The following ANK1 variants were observed in gnomAD, a reference collection of about 807,000 sequenced individuals.
ANK1 encodes ankyrin-1.
ANK1 carries 51 observed loss-of-function variants against 210.4 expected under a neutral mutation model. The ratio of observed to expected loss-of-function variants is 0.24; its 90% CI spans 0.19 to 0.31. ANK1 has a LOEUF of 0.31. Among genes scored for constraint, ANK1 ranks in the 10% least tolerant of loss-of-function variants. ANK1 has a pLI of 1.00. For synonymous variants in ANK1, 967 were observed against 1,025.9 expected (o/e 0.94, Z 1.10); for missense variants, 2,051 against 2,504.4 (o/e 0.82, Z 3.86).
chr8:41,806,908 A>G (rs1474816895), intron 1 of ANK1, among the ~76,000 whole-genome samples: 2 of 152,222 alleles, frequency 1.3e-5, no homozygotes, highest in East Asian at 1.9e-4. Flanking sequence ...TACCATCCAC[A>G]GATGTGAGAA....
chr8:41,856,102 G>T (rs1314834677), intron 1 of ANK1, among the ~76,000 whole-genome samples: 1 of 152,124 alleles, frequency 6.6e-6, no homozygotes, highest in Admixed American at 6.5e-5. Context: ...TAAAGTGGAA[G>T]CCCCCAACCT....
At chr8:41,773,933 G>A (rs1223120980) in intron 1 of ANK1, among the ~76,000 whole-genome samples, 3 of 152,186 alleles carry the variant, frequency 2.0e-5, no homozygotes, top group Non-Finnish European at 4.4e-5. Flanking sequence ...GCATCCAAAC[G>A]CCACTGTTTC....
In ANK1 at chr8:41,723,560, C is replaced by T. The variant is rs754821377; in HGVS notation, c.785G>A (p.Gly262Glu). The change falls in exon 8 of 43, where the codon GGA becomes GAA. Residue 262 changes from glycine to glutamate, a missense_variant. Transcript: ENST00000289734. ...VIMVRLLLDR[G>E]AQIETKTKDE... ...CTTGGTCTTGGTTTCTATCTGGGCTCCCCGATCCAGCAGCAGCCGCACCAT... is the reference window on the plus strand; with the variant it reads ...CTTGGTCTTGGTTTCTATCTGGGCTTCCCGATCCAGCAGCAGCCGCACCAT... The T allele has an allele frequency of 4.3e-6, 7 of 1,614,048 alleles. No homozygotes were observed. The highest frequency in any genetic ancestry group is 5.1e-6 in the Non-Finnish European group (6 of 1,179,994).
intron 2 of ANK1, among the ~76,000 whole-genome samples, chr8:41,744,071 T>C (rs1468098932): frequency 6.6e-6 from 1 of 152,168 alleles, no homozygotes; most frequent in Non-Finnish European, 1.5e-5. Context: ...GATGAGGACA[T>C]GTCAAAGGAT....
chr8:41,703,999 T>G, intron 20 of ANK1, 42 bp downstream of exon 20: 1 of 1,557,954 alleles, frequency 6.4e-7, no homozygotes, highest in Non-Finnish European at 8.9e-7. Flanking sequence ...GCTGCTGCCA[T>G]GGGGAGCAGT....
intron 1 of ANK1, among the ~76,000 whole-genome samples, chr8:41,847,902 C>G (rs1033441277): frequency 1.3e-5 from 2 of 152,166 alleles, no homozygotes; most frequent in African/African-American, 4.8e-5. Context: ...GGCGCAGTGG[C>G]TCACACCTAT....
At chr8:41,852,844 G>T (rs938133924) in intron 1 of ANK1, among the ~76,000 whole-genome samples, 1 of 152,138 alleles carries the variant, frequency 6.6e-6, no homozygotes, top group African/African-American at 2.4e-5. Flanking sequence ...TTTGCCCAAG[G>T]CCTGGAAGTC....
At chr8:41,794,516 T>A (rs1211107374) in intron 1 of ANK1, among the ~76,000 whole-genome samples, 1 of 152,186 alleles carries the variant, frequency 6.6e-6, no homozygotes, top group Non-Finnish European at 1.5e-5. Context: ...CAGGACTGAC[T>A]TTTCACCTTT....
At position 41,704,638 on chromosome 8, in the gene ANK1, T is replaced by C. The variant is rs932747505; in HGVS notation, c.2098-166A>G. Among the ~76,000 whole-genome samples the C allele has an allele frequency of 1.3e-5, 2 of 152,130 alleles. No individual in the cohort carries two copies. The highest frequency in any genetic ancestry group is 2.4e-5 in the African/African-American group (1 of 41,424). ...CTGGGCAGAGACCACCAGGCTGAGA[T>C]GCTTGTGGGAGACCCAAGGGGAGAC... On this transcript the variant is annotated intron_variant, in intron 18 of 42. Transcript: ENST00000289734. The surrounding 1 kb of genome is among the most constrained non-coding windows in gnomAD (Gnocchi z 4.1).
chr8:41,686,722 C>G (rs1170125875), intron 35 of ANK1, among the ~76,000 whole-genome samples: 5 of 152,260 alleles, frequency 3.3e-5, no homozygotes, highest in Admixed American at 1.3e-4. Flanking sequence ...TGCCAAGAAC[C>G]AATGAGAACA....
Position 41,714,239 on chromosome 8 carries a change from G to A in ANK1, c.1717C>T (p.Leu573=), listed in dbSNP as rs1278997315. ...TTGTTGTGATGGACGGCCACGTGCA[G>A]GGGGGTCAGGCCATTCTGCAGGGGA... The part of the protein sequence containing the change: ...NAAGKNGLTP[L]HVAVHHNNLD... Residue 573 remains leucine, a synonymous_variant, in exon 16 of 43, where the codon CTG becomes TTG. Coordinates refer to ENST00000289734, the MANE Select transcript of ANK1 (RefSeq NM_000037.4). The A allele has an allele frequency of 6.5e-7, 1 of 1,549,944 alleles. No individual in the cohort carries two copies. The highest frequency in any genetic ancestry group is 1.8e-5 in the Admixed American group (1 of 55,882).
At chr8:41,879,325 A>G (rs569802786) in intron 1 of ANK1, among the ~76,000 whole-genome samples, 1 of 152,332 alleles carries the variant, frequency 6.6e-6, no homozygotes, top group Non-Finnish European at 1.5e-5. Flanking sequence ...TGAAGGTGGC[A>G]TCTAGGTCAG....
At chr8:41,682,393 T>C (rs929115279) in intron 37 of ANK1, among the ~76,000 whole-genome samples, 1 of 152,234 alleles carries the variant, frequency 6.6e-6, no homozygotes, top group African/African-American at 2.4e-5. Flanking sequence ...TAACTGCTGG[T>C]GTGTGATACA....
At chr8:41,663,458 T>C (rs1466568580) in intron 40 of ANK1, among the ~76,000 whole-genome samples, 1 of 152,178 alleles carries the variant, frequency 6.6e-6, no homozygotes, top group Non-Finnish European at 1.5e-5. Flanking sequence ...ACAAAGCGGT[T>C]GTGAGGACAC....
rs138658274 is a variant in ANK1 at position 41,726,133 on chromosome 8, C to A, written c.427-187G>T. Among the ~76,000 whole-genome samples, 62 of 152,330 alleles carry A rather than the reference C, an allele frequency of 4.1e-4. No individual in the cohort carries two copies. The East Asian group carries it at 0.011, about 28-fold the overall frequency. ...CATCTCCTCCCTGAAGCCCTTCCTG[C>A]CTCCACTTCCTTTCTCTGCAATCTC... is the stretch of plus-strand genomic sequence containing the variant. On this transcript the variant is annotated intron_variant, in intron 5 of 42. Transcript: ENST00000289734.
chr8:41,807,406 G>GTTAAT (rs1363389457), intron 1 of ANK1, among the ~76,000 whole-genome samples: 3 of 152,172 alleles, frequency 2.0e-5, no homozygotes, highest in Non-Finnish European at 2.9e-5. Flanking sequence ...GTTTATTTAT[G>GTTAAT]TTAATTTATA....
chr8:41,807,715 T>C (rs994485253), intron 1 of ANK1, among the ~76,000 whole-genome samples: 3 of 152,126 alleles, frequency 2.0e-5, no homozygotes, highest in Non-Finnish European at 4.4e-5. Context: ...TCTTAGGGCA[T>C]TGACTTCCTC....
chr8:41,685,947 A>C (rs1213447746), intron 36 of ANK1, among the ~76,000 whole-genome samples: 2 of 152,236 alleles, frequency 1.3e-5, no homozygotes, highest in African/African-American at 2.4e-5. Context: ...AGGATGTGAG[A>C]AAGGCTGAGG....
At chr8:41,766,288 C>A (rs1841769943) in intron 1 of ANK1, among the ~76,000 whole-genome samples, 2 of 152,088 alleles carry the variant, frequency 1.3e-5, no homozygotes, top group Admixed American at 1.3e-4. Flanking sequence ...GACAGCTGTC[C>A]CCAGCCAGCA....
Sources: allele counts gnomAD v4.1 joint callset (sites outside exome capture counted in the v4.1 genomes callset), GRCh38; gene constraint gnomAD v4.1.1; non-coding constraint Gnocchi (gnomAD v3.1); transcripts MANE v1.5; gene names NCBI Gene and HGNC (gene_info 2026-07-23, HGNC 2026-07-21).